RBFOX1: variants seen among roughly 807,000 people sequenced by gnomAD.
RBFOX1 encodes the protein RNA binding fox-1 homolog 1, also known as RNA binding protein fox-1 homolog 1.
Under a neutral mutation model 57.7 loss-of-function variants are expected in RBFOX1, and 8 were observed. The ratio of observed to expected loss-of-function variants is 0.14; its 90% CI spans 0.08 to 0.25. The LOEUF (loss-of-function observed/expected upper bound fraction) is 0.25, where lower values mean the gene tolerates loss of function less well. Ranked by LOEUF, RBFOX1 falls within the 10% of genes least tolerant of loss-of-function variation. RBFOX1 has a pLI of 1.00. For synonymous variants in RBFOX1, 326 were observed against 222.4 expected, an observed-to-expected ratio of 1.47 and a Z score of -4.15; for missense variants, 611 against 548.5, an observed-to-expected ratio of 1.11 and a Z score of -1.14.
At chr16:6,902,549 C>G (rs1293326939) in intron 3 of RBFOX1, among the ~76,000 whole-genome samples, 1 of 152,246 alleles carries the variant, frequency 6.6e-6, no homozygotes, top group East Asian at 1.9e-4. Flanking sequence ...TGGTAATGCC[C>G]TGTCACTACT....
intron 1 of RBFOX1, among the ~76,000 whole-genome samples, chr16:6,231,014 A>T (rs76149602): frequency 0.15 from 22,993 of 152,120 alleles, 2,293 homozygotes; most frequent in East Asian, 0.31. Context: ...TACATCAGTG[A>T]CCACTTGTGG....
At chr16:6,732,054 G>C (rs1378799799) in intron 3 of RBFOX1, among the ~76,000 whole-genome samples, 1 of 152,056 alleles carries the variant, frequency 6.6e-6, no homozygotes, top group African/African-American at 2.4e-5. Context: ...TTAAGCTATG[G>C]CTTGAGATCT....
intron 2 of RBFOX1, among the ~76,000 whole-genome samples, chr16:6,570,388 T>A (rs1237040839): frequency 6.6e-6 from 1 of 152,150 alleles, no homozygotes; most frequent in Non-Finnish European, 1.5e-5. Context: ...AATCGAGAAT[T>A]TTTTATATGA....
chr16:5,250,915 G>C (rs934637901), intron 1 of RBFOX1, among the ~76,000 whole-genome samples: 1 of 152,170 alleles, frequency 6.6e-6, no homozygotes, highest in Non-Finnish European at 1.5e-5. Context: ...ATCAGAGGGG[G>C]ATCTGTGCTC....
intron 5 of RBFOX1, among the ~76,000 whole-genome samples, chr16:7,542,212 G>C (rs934871320): frequency 6.6e-6 from 1 of 152,170 alleles, no homozygotes; most frequent in African/African-American, 2.4e-5. Flanking sequence ...GATATACACA[G>C]AGAAGACTGG....
chr16:7,149,251 A>G (rs1331745576), intron 4 of RBFOX1, among the ~76,000 whole-genome samples: 1 of 152,058 alleles, frequency 6.6e-6, no homozygotes, highest in Non-Finnish European at 1.5e-5. Context: ...ATCTGGTGGA[A>G]GAGAGAGTTG....
chr16:5,363,567 G>GAAGT (rs1213609280), intron 1 of RBFOX1, among the ~76,000 whole-genome samples: 1 of 152,140 alleles, frequency 6.6e-6, no homozygotes, highest in East Asian at 1.9e-4. Flanking sequence ...CCTGATTGGG[G>GAAGT]AAGTCCTCAT....
intron 4 of RBFOX1, among the ~76,000 whole-genome samples, chr16:5,920,735 G>A (rs140438291): frequency 1.2e-4 from 19 of 152,300 alleles, no homozygotes; most frequent in African/African-American, 3.4e-4. Context: ...CAATGATGTC[G>A]GTGTGGGATC....
At chr16:7,247,802 A>G (rs1479008289) in intron 4 of RBFOX1, among the ~76,000 whole-genome samples, 3 of 152,176 alleles carry the variant, frequency 2.0e-5, no homozygotes, top group African/African-American at 7.2e-5. Flanking sequence ...GGTTCCAAAC[A>G]CTGCATGTTC....
rs140028991 is a variant in RBFOX1 at position 5,290,355 on chromosome 16, C to A, written c.219+50250C>A. 2.6e-5 allele frequency among the ~76,000 whole-genome samples: 4 copies of A among 152,014 alleles called. No individual in the cohort carries two copies. In the East Asian group the frequency reaches 7.8e-4, roughly 29 times the overall value. ...CCAGCCTGTGACAGAGACTCTATCT[C>A]AAAAAAAGTAGATTGTCAGGGCTTA... On this transcript the variant is annotated intron_variant, in intron 1 of 2. Coordinates refer to the RBFOX1 transcript ENST00000585867.
In RBFOX1 at chr16:7,362,011, GTA is replaced by G. The variant is rs200229380; in HGVS notation, c.28-156130_28-156129del. Among the ~76,000 whole-genome samples the G allele has an allele frequency of 5.9e-5, 9 of 151,584 alleles. No individual in the cohort carries two copies. The East Asian group carries it at 9.7e-4, about 16-fold the overall frequency. Reference sequence around the variant, plus strand: ...TGTGTGTTAGTGTGTGTATGATTATGTATATATGTTTTGTGTGTACATGTGTT... The same window carrying G: ...TGTGTGTTAGTGTGTGTATGATTATGTATATGTTTTGTGTGTACATGTGTT... On this transcript the variant is annotated intron_variant, in intron 4 of 15. Transcript: ENST00000550418.
In RBFOX1 at chr16:5,721,540, C is replaced by A. The variant is rs534558535; in HGVS notation, c.318+122579C>A. ...GATGACAGTACCCACCTTTGTCTTG[C>A]CCCTCATCTTAGGGGAAGGCATTCA... is the stretch of plus-strand genomic sequence containing the variant. On this transcript the variant is annotated intron_variant, in intron 3 of 19. Coordinates refer to the RBFOX1 transcript ENST00000641259. Among the ~76,000 whole-genome samples, 4 of 152,272 alleles carry A rather than the reference C, an allele frequency of 2.6e-5. No individual in the cohort carries two copies. The East Asian group carries it at 7.7e-4, about 29-fold the overall frequency.
At chr16:7,097,511 T>G (rs1022213856) in intron 4 of RBFOX1, among the ~76,000 whole-genome samples, 3 of 152,152 alleles carry the variant, frequency 2.0e-5, no homozygotes, top group African/African-American at 4.8e-5. Flanking sequence ...CTGTTTTAAT[T>G]GAGAAGTGTT....
intron 4 of RBFOX1, among the ~76,000 whole-genome samples, chr16:7,096,533 T>A (rs1299495417): frequency 6.6e-6 from 1 of 152,152 alleles, no homozygotes; most frequent in Non-Finnish European, 1.5e-5. Context: ...TTCTTGCACC[T>A]GGATTGAATT....
intron 4 of RBFOX1, among the ~76,000 whole-genome samples, chr16:7,386,439 C>G (rs1014210637): frequency 7.4e-6 from 1 of 135,330 alleles, no homozygotes; most frequent in Admixed American, 8.9e-5. Flanking sequence ...TCCATGTATT[C>G]TCATTGTTCA....
intron 2 of RBFOX1, among the ~76,000 whole-genome samples, chr16:6,625,499 T>C (rs926633285): frequency 1.1e-4 from 16 of 152,284 alleles, no homozygotes; most frequent in Admixed American, 8.5e-4. Flanking sequence ...TCTAGGTATT[T>C]CTGATGGGAT....
intron 2 of RBFOX1, among the ~76,000 whole-genome samples, chr16:6,530,098 C>T (rs1043120960): frequency 6.6e-6 from 1 of 152,178 alleles, no homozygotes. Flanking sequence ...AGACTTGTAG[C>T]TTCCGAAAAG....
chr16:5,955,355 TAAAAATAAA>T lies in RBFOX1; in HGVS notation c.351+88022_351+88030del, dbSNP rs1388696437. Among the ~76,000 whole-genome samples, 8 of 13,980 alleles carry T rather than the reference TAAAAATAAA, an allele frequency of 5.7e-4. 1 individual carries two copies. In the South Asian group the frequency reaches 0.025, roughly 45 times the overall value. The allele number at this position is 13,980 out of a possible 152,430, so 9.2% of individuals were successfully genotyped here. ...ATAAAATAAAATAAAATAAAATAAA[TAAAAATAAA>T]ATAAAATAAAATAAAATAAAATAAA... is the stretch of plus-strand genomic sequence containing the variant. On this transcript the variant is annotated intron_variant, in intron 4 of 19. Transcript: ENST00000641259.
intron 6 of RBFOX1, among the ~76,000 whole-genome samples, chr16:7,583,862 C>T (rs1371800129): frequency 6.6e-6 from 1 of 151,944 alleles, no homozygotes; most frequent in African/African-American, 2.4e-5. Flanking sequence ...AATATAGGTC[C>T]TCTGGGCAGG....
Sources: allele counts gnomAD v4.1 joint callset (sites outside exome capture counted in the v4.1 genomes callset), GRCh38; gene constraint gnomAD v4.1.1; transcripts MANE v1.5; gene names NCBI Gene and HGNC (gene_info 2026-07-23, HGNC 2026-07-21).